Variants in CCBE1 observed in about 807,000 individuals in gnomAD.
The protein encoded by CCBE1 is collagen and calcium-binding EGF domain-containing protein 1.
CCBE1 carries 37 observed loss-of-function variants against 50.0 expected under a neutral mutation model. That is an observed-to-expected ratio of 0.74 (90% CI 0.57 to 0.97). CCBE1 has a LOEUF of 0.97. Among genes scored for constraint, CCBE1 ranks in the 50% least tolerant of loss-of-function variants. The pLI, the probability that CCBE1 is intolerant of heterozygous loss-of-function variation, is 0.00. For synonymous variants in CCBE1, 234 were observed against 203.7 expected (o/e 1.15, Z -1.27); for missense variants, 538 against 523.8 (o/e 1.03, Z -0.26).
rs1173463107 is a variant in CCBE1 at position 59,494,401 on chromosome 18, C to T, written c.213-14163G>A. Among the ~76,000 whole-genome samples, 4 of 152,208 alleles carry T rather than the reference C, an allele frequency of 2.6e-5. No individual in the cohort carries two copies. In the South Asian group the frequency reaches 8.3e-4, roughly 32 times the overall value. On this transcript the variant is annotated intron_variant, in intron 2 of 10. Transcript: ENST00000439986. ...TTAGGATGTCTCTCCCAAACCTGAA[C>T]CTAATTTAATCTGTAGGGCATAAGA...
At chr18:59,508,224 T>C (rs1913971284) in intron 2 of CCBE1, among the ~76,000 whole-genome samples, 2 of 151,210 alleles carry the variant, frequency 1.3e-5, no homozygotes, top group African/African-American at 4.9e-5. Flanking sequence ...AAAGACAATA[T>C]AGTACAGTGA....
chr18:59,679,272 G>A (rs2054553132), intron 2 of CCBE1, among the ~76,000 whole-genome samples: 1 of 152,154 alleles, frequency 6.6e-6, no homozygotes, highest in Non-Finnish European at 1.5e-5. Context: ...GCTCACTAGT[G>A]ATAATGGAAG....
At chr18:59,672,835 C>T (rs553677705) in intron 2 of CCBE1, among the ~76,000 whole-genome samples, 1 of 152,218 alleles carries the variant, frequency 6.6e-6, no homozygotes, top group African/African-American at 2.4e-5. Context: ...AGGCATAAGA[C>T]TTTGGGGACT....
At position 59,562,602 on chromosome 18, in the gene CCBE1, C is replaced by T. The variant is rs947333660; in HGVS notation, c.213-82364G>A. ...GTTACTTTGAGGGGATGTGCACACG[C>T]GTACGTTCTGGCCGGAATCCAGGTG... On this transcript the variant is annotated intron_variant, in intron 2 of 10. Coordinates refer to ENST00000439986, the MANE Select transcript of CCBE1 (RefSeq NM_133459.4). 4.6e-5 allele frequency among the ~76,000 whole-genome samples: 7 copies of T among 152,358 alleles called. No homozygotes were observed. In the East Asian group the frequency reaches 7.7e-4, roughly 17 times the overall value.
chr18:59,546,310 G>T (rs527576745), intron 2 of CCBE1, among the ~76,000 whole-genome samples: 5 of 152,190 alleles, frequency 3.3e-5, no homozygotes, highest in Non-Finnish European at 7.3e-5. Flanking sequence ...TTACACGGGG[G>T]CTTCCCATGA....
chr18:59,501,481 G>A (rs1913619333), intron 2 of CCBE1, among the ~76,000 whole-genome samples: 1 of 152,204 alleles, frequency 6.6e-6, no homozygotes, highest in African/African-American at 2.4e-5. Flanking sequence ...GACAAGCTGT[G>A]TGGAAGGGAA....
intron 2 of CCBE1, among the ~76,000 whole-genome samples, chr18:59,585,073 G>T (rs1437343650): frequency 6.6e-6 from 1 of 152,026 alleles, no homozygotes; most frequent in Non-Finnish European, 1.5e-5. Context: ...CCAGCTGTCC[G>T]AGTTGGAGTC....
At position 59,433,346 on chromosome 18, in the gene CCBE1, C is replaced by A. The variant is rs1244043104; in HGVS notation, c.*2562G>T. The A allele has an allele frequency of 6.6e-6, 1 of 151,714 alleles. No individual in the cohort carries two copies. The highest frequency in any genetic ancestry group is 1.5e-5 in the Non-Finnish European group (1 of 67,966). The allele number at this position is 151,714 out of a possible 1,614,324, so 9.4% of individuals were successfully genotyped here. A position where few individuals can be genotyped will look rare whatever the true frequency, so the allele number is the denominator to read the frequency against. On this transcript the variant is annotated 3_prime_UTR_variant, in exon 11 of 11. Coordinates refer to ENST00000439986, the MANE Select transcript of CCBE1 (RefSeq NM_133459.4). ...AACTCCTGGGCTCAAGGGATCCTCT[C>A]GCTCACTTTTTTTAAAGTGAAAGTT...
chr18:59,529,787 G>A (rs1944993), intron 2 of CCBE1, among the ~76,000 whole-genome samples: 42,137 of 151,882 alleles, frequency 0.28, 6,031 homozygotes, highest in African/African-American at 0.33. Context: ...AGCTGTTTCT[G>A]GTCATTGATC....
chr18:59,662,277 A>T (rs1443429851), intron 2 of CCBE1, among the ~76,000 whole-genome samples: 1 of 152,180 alleles, frequency 6.6e-6, no homozygotes, highest in Non-Finnish European at 1.5e-5. Flanking sequence ...ATAGTGGGAC[A>T]CTCATTTTTC....
At chr18:59,507,495 TCTTC>T (rs1176494606) in intron 2 of CCBE1, among the ~76,000 whole-genome samples, 5 of 152,228 alleles carry the variant, frequency 3.3e-5, no homozygotes, top group African/African-American at 1.2e-4. Flanking sequence ...TGCCTCATGT[TCTTC>T]CTTGTCAGAT....
At chr18:59,497,922 T>A (rs1913432489) in intron 2 of CCBE1, among the ~76,000 whole-genome samples, 1 of 152,178 alleles carries the variant, frequency 6.6e-6, no homozygotes. Context: ...ACAAATCCTG[T>A]CCAGGGCTCT....
At chr18:59,562,515 C>T (rs2052755193) in intron 2 of CCBE1, among the ~76,000 whole-genome samples, 1 of 152,176 alleles carries the variant, frequency 6.6e-6, no homozygotes, top group Non-Finnish European at 1.5e-5. Flanking sequence ...AACTGATTTC[C>T]TACACTCCAT....
chr18:59,650,147 C>T (rs1456093203), intron 2 of CCBE1, among the ~76,000 whole-genome samples: 1 of 152,104 alleles, frequency 6.6e-6, no homozygotes, highest in Non-Finnish European at 1.5e-5. Context: ...AACTAATTTT[C>T]AGAAGCTTCT....
At chr18:59,645,095 A>G (rs1189464527) in intron 2 of CCBE1, among the ~76,000 whole-genome samples, 1 of 152,206 alleles carries the variant, frequency 6.6e-6, no homozygotes, top group Non-Finnish European at 1.5e-5. Flanking sequence ...CTCTACTAAA[A>G]ATACAAAAAT....
At chr18:59,584,724 C>T (rs1411840523) in intron 2 of CCBE1, among the ~76,000 whole-genome samples, 1 of 152,118 alleles carries the variant, frequency 6.6e-6, no homozygotes, top group African/African-American at 2.4e-5. Context: ...TCACCTTCCA[C>T]CACAAGTAAA....
chr18:59,435,615 C>A lies in CCBE1; in HGVS notation c.*293G>T. The A allele has an allele frequency of 2.2e-6, 1 of 452,142 alleles. No homozygotes were observed. The highest frequency in any genetic ancestry group is 4.3e-5 in the East Asian group (1 of 23,018). The allele number at this position is 452,142 out of a possible 1,614,324, so 28.0% of individuals were successfully genotyped here. A position where few individuals can be genotyped will look rare whatever the true frequency, so the allele number is the denominator to read the frequency against. On this transcript the variant is annotated 3_prime_UTR_variant, in exon 11 of 11. Coordinates refer to ENST00000439986, the MANE Select transcript of CCBE1 (RefSeq NM_133459.4). ...TAAGACACTGTGAGAGTACTTAAAT[C>A]CAAAGTTCCTGGAAAAATAGGATGT...
chr18:59,448,557 C>T (rs895005), intron 6 of CCBE1, among the ~76,000 whole-genome samples: 41,060 of 152,084 alleles, frequency 0.27, 6,128 homozygotes, highest in Middle Eastern at 0.39. Context: ...GGACCGAGAA[C>T]ATGGCTGACG....
At chr18:59,636,751 A>G (rs2053922187) in intron 2 of CCBE1, among the ~76,000 whole-genome samples, 6 of 152,226 alleles carry the variant, frequency 3.9e-5, no homozygotes, top group African/African-American at 1.2e-4. Context: ...AAGATCCAAG[A>G]TAGAAGGAAT....
Sources: gnomAD v4.1 joint callset for allele counts (sites outside exome capture counted in the v4.1 genomes callset) on GRCh38, gnomAD v4.1.1 for gene constraint, MANE v1.5 for transcripts, NCBI Gene and HGNC (gene_info 2026-07-23, HGNC 2026-07-21) for gene names.